The following IL1RAP variants were observed in gnomAD, a reference collection of about 807,000 sequenced individuals.
IL1RAP encodes the protein interleukin 1 receptor accessory protein.
IL1RAP carries 35 observed loss-of-function variants against 60.7 expected under a neutral mutation model. That is an observed-to-expected ratio of 0.58 (90% CI 0.44 to 0.76). IL1RAP has a LOEUF of 0.76. Among genes scored for constraint, IL1RAP ranks in the 30% least tolerant of loss-of-function variants. The probability of loss-of-function intolerance (pLI) is 0.00; values close to 1 mark genes in which losing one functional copy is unlikely to be tolerated. For missense variants in IL1RAP, 572 were observed against 693.9 expected, an observed-to-expected ratio of 0.82 and a Z score of 1.97; for synonymous variants, 268 against 250.9, an observed-to-expected ratio of 1.07 and a Z score of -0.64.
chr3:190,613,146 T>A (rs962569250), intron 5 of IL1RAP, among the ~76,000 whole-genome samples: 13 of 151,978 alleles, frequency 8.6e-5, no homozygotes, highest in Admixed American at 8.5e-4. Flanking sequence ...GAGATATGTA[T>A]CCTAGAAGAC....
chr3:190,557,595 A>T (rs190742137), intron 2 of IL1RAP, among the ~76,000 whole-genome samples: 69 of 152,220 alleles, frequency 4.5e-4, no homozygotes, highest in Non-Finnish European at 8.4e-4. Flanking sequence ...CATTTCATTG[A>T]TCTCTCCATG....
rs188545876 is a variant in IL1RAP at position 190,643,799 on chromosome 3, T to A, written c.1052-449T>A. ...TATAGTGGAAAAATATTGAGATTTT[T>A]ACTCAAATCAGCTGCATCAACAATT... On this transcript the variant is annotated intron_variant, in intron 9 of 11. Coordinates refer to ENST00000447382, the MANE Select transcript of IL1RAP (RefSeq NM_002182.4). 7.3e-4 allele frequency among the ~76,000 whole-genome samples: 111 copies of A among 152,350 alleles called. 1 individual carries two copies. The highest frequency in any genetic ancestry group is 2.6e-3 in the African/African-American group (107 of 41,578).
At chr3:190,580,476 A>G (rs962406277) in intron 3 of IL1RAP, among the ~76,000 whole-genome samples, 1 of 152,222 alleles carries the variant, frequency 6.6e-6, no homozygotes, top group East Asian at 1.9e-4. Context: ...AGTCAGCCCT[A>G]AGAAAGGAGG....
At chr3:190,582,264 T>A (rs1320983667) in intron 3 of IL1RAP, among the ~76,000 whole-genome samples, 1 of 152,116 alleles carries the variant, frequency 6.6e-6, no homozygotes, top group Non-Finnish European at 1.5e-5. Context: ...CCTCTCCATC[T>A]TAAGTATTAT....
intron 5 of IL1RAP, among the ~76,000 whole-genome samples, chr3:190,619,794 A>G (rs1449332720): frequency 6.6e-6 from 1 of 152,168 alleles, no homozygotes; most frequent in Non-Finnish European, 1.5e-5. Flanking sequence ...CAGGGAAACA[A>G]CAGGGTGATT....
At chr3:190,656,326 G>T (rs1455782830), downstream of IL1RAP, 2 of 1,537,188 alleles carry the variant, frequency 1.3e-6, no homozygotes, top group Non-Finnish European at 8.7e-7. Flanking sequence ...TAGCCCTCCA[G>T]CCCCAGGCAC....
At chr3:190,598,588 T>A (rs992817604) in intron 3 of IL1RAP, among the ~76,000 whole-genome samples, 9 of 151,850 alleles carry the variant, frequency 5.9e-5, no homozygotes, top group Non-Finnish European at 8.8e-5. Context: ...GTCAATATAT[T>A]AAAAAAAATC....
chr3:190,573,298 A>AT (rs748441309), intron 3 of IL1RAP, among the ~76,000 whole-genome samples: 11 of 151,382 alleles, frequency 7.3e-5, no homozygotes, highest in Non-Finnish European at 1.3e-4. Context: ...TTGCAAGTTT[A>AT]TACGTTCTAA....
chr3:190,533,172 T>C lies in IL1RAP; in HGVS notation c.-89+18953T>C, dbSNP rs140616354. Among the ~76,000 whole-genome samples, 7 of 152,216 alleles carry C rather than the reference T, an allele frequency of 4.6e-5. No individual in the cohort carries two copies. The East Asian group carries it at 1.4e-3, about 29-fold the overall frequency. On this transcript the variant is annotated intron_variant, in intron 1 of 11. Coordinates refer to ENST00000447382, the MANE Select transcript of IL1RAP (RefSeq NM_002182.4). ...GCCCAACATGGCTCGAAAGACTTCA[T>C]CCAGGATAAGTAGGTTGACATGACA...
chr3:190,558,069 C>A lies in IL1RAP; in HGVS notation c.-2+1853C>A, dbSNP rs528784895. ...TAAGGTTGGTTTATTTAATTCAGCACAATGCCTTTGAGATTCATCCAAGTT... is the reference window on the plus strand; with the variant it reads ...TAAGGTTGGTTTATTTAATTCAGCAAAATGCCTTTGAGATTCATCCAAGTT... On this transcript the variant is annotated intron_variant, in intron 2 of 11. Transcript: ENST00000447382. 8.4e-4 allele frequency among the ~76,000 whole-genome samples: 128 copies of A among 152,300 alleles called. 1 individual carries two copies. Among genetic ancestry groups the A allele is most frequent in the African/African-American group, 3.1e-3 (127 of 41,584 alleles).
intron 2 of IL1RAP, among the ~76,000 whole-genome samples, chr3:190,561,426 C>T (rs900735042): frequency 2.0e-5 from 3 of 152,138 alleles, no homozygotes; most frequent in African/African-American, 7.2e-5. Context: ...GATGTGTGTT[C>T]GCAGACAGGT....
At chr3:190,648,119 A>G (rs941982043) in intron 11 of IL1RAP, among the ~76,000 whole-genome samples, 4 of 152,228 alleles carry the variant, frequency 2.6e-5, no homozygotes, top group African/African-American at 9.6e-5. Flanking sequence ...TTCTTTTTAG[A>G]AATATGTGTA....
In IL1RAP at chr3:190,514,210, C is replaced by T. The variant is rs1560128175; in HGVS notation, c.-98C>T. 1 of 152,212 alleles carries T rather than the reference C, an allele frequency of 6.6e-6. No individual in the cohort carries two copies. Among genetic ancestry groups the T allele is most frequent in the African/African-American group, 2.4e-5 (1 of 41,432 alleles). 9.4% of individuals were successfully genotyped at this position (152,212 alleles called of 1,614,324 possible). A position where few individuals can be genotyped will look rare whatever the true frequency, so the allele number is the denominator to read the frequency against. ...TGCTTTTGCTGCGCCCTCTCAGCTT[C>T]CCAAGAAAGGTGAGTCTCGCGCCGC... On this transcript the variant is annotated 5_prime_UTR_variant, in exon 1 of 12. Transcript: ENST00000447382.
rs895245265 is a variant in IL1RAP at position 190,556,267 on chromosome 3, C to T, written c.-2+51C>T. 6 of 152,134 alleles carry T rather than the reference C, an allele frequency of 3.9e-5. No homozygotes were observed. The South Asian group carries it at 1.0e-3, about 26-fold the overall frequency. 9.4% of individuals were successfully genotyped at this position (152,134 alleles called of 1,614,324 possible). On this transcript the variant is annotated intron_variant, in intron 2 of 11. Coordinates refer to ENST00000447382, the MANE Select transcript of IL1RAP (RefSeq NM_002182.4). ...AGCAATTTATAAAACATTTCCTTAT[C>T]GACTTTAAGTTCTCTACCCCTTCAG...
chr3:190,601,469 C>T (rs907043085), intron 3 of IL1RAP, among the ~76,000 whole-genome samples: 1 of 152,128 alleles, frequency 6.6e-6, no homozygotes, highest in African/African-American at 2.4e-5. Context: ...AAAAACATAG[C>T]AACAAATAGT....
At chr3:190,658,075 G>A (rs1734674040) in exon 12 of IL1RAP, 1 of 151,196 alleles carries the variant, frequency 6.6e-6, no homozygotes, top group South Asian at 2.1e-4. Context: ...AAAAAAATGG[G>A]TAGCTTCTAC....
chr3:190,588,186 T>C (rs1047685208), intron 3 of IL1RAP, among the ~76,000 whole-genome samples: 2 of 152,230 alleles, frequency 1.3e-5, no homozygotes, highest in Admixed American at 1.3e-4. Context: ...CAATCTCAGC[T>C]CACTGCAACC....
intron 2 of IL1RAP, among the ~76,000 whole-genome samples, chr3:190,562,964 C>G (rs181879153): frequency 1.4e-4 from 21 of 152,190 alleles, no homozygotes; most frequent in Admixed American, 1.3e-3. Context: ...GATTTGTGTA[C>G]AACCAGGCTA....
At chr3:190,617,347 C>G (rs896546168) in intron 5 of IL1RAP, among the ~76,000 whole-genome samples, 3 of 152,150 alleles carry the variant, frequency 2.0e-5, no homozygotes, top group African/African-American at 7.2e-5. Context: ...TGCACCCTTC[C>G]CCTCCCCACA....
Sources: gnomAD v4.1 joint callset for allele counts (sites outside exome capture counted in the v4.1 genomes callset) on GRCh38, gnomAD v4.1.1 for gene constraint, MANE v1.5 for transcripts, NCBI Gene and HGNC (gene_info 2026-07-23, HGNC 2026-07-21) for gene names.